The following CENATAC variants were observed in gnomAD, a reference collection of about 807,000 sequenced individuals.
CENATAC encodes coiled-coil domain containing 84.
A neutral mutation model predicts 53.7 loss-of-function variants in CENATAC; 53 were observed. The observed-to-expected ratio is 0.99, with a 90% CI of 0.79 to 1.24. CENATAC has a LOEUF of 1.24. Among genes scored for constraint, CENATAC ranks in the 50% most tolerant of loss-of-function variants. The pLI is 0.00. For missense variants in CENATAC, 474 were observed against 417.8 expected, an observed-to-expected ratio of 1.13 and a Z score of -1.17; for synonymous variants, 156 against 144.6, an observed-to-expected ratio of 1.08 and a Z score of -0.57.
At position 118,998,489 on chromosome 11, in the gene CENATAC, C is replaced by G. The variant is rs1942124513; in HGVS notation, c.180C>G (p.His60Gln). Residue 60 changes from histidine (H) to glutamine (Q), a missense_variant, in exon 2 of 11, where the codon CAC (histidine) becomes CAG (glutamine). Transcript: ENST00000334418. Reference sequence around the variant, plus strand: ...AGGTGGAGCGCTATGTGCCCGAACACGAGCGATGCTGCTGGTGCCTGTGCT... The same window carrying G: ...AGGTGGAGCGCTATGTGCCCGAACAGGAGCGATGCTGCTGGTGCCTGTGCT... ...AAQVERYVPE[H>Q]ERCCWCLCCG... 6.2e-7 allele frequency: 1 copy of G among 1,613,328 alleles called. No homozygotes were observed. Among genetic ancestry groups the G allele is most frequent in the Non-Finnish European group, 8.5e-7 (1 of 1,179,794 alleles).
chr11:119,003,621 C>CT (rs138779092), intron 3 of CENATAC: 3,536 of 128,856 alleles, frequency 0.027, 13 homozygotes, highest in South Asian at 0.085. Flanking sequence ...ATTTCTCTCT[C>CT]TTTTTTTTTT....
At chr11:119,005,002 G>A (rs191085150) in intron 3 of CENATAC, 3 of 152,130 alleles carry the variant, frequency 2.0e-5, no homozygotes, top group African/African-American at 7.2e-5. Context: ...TGAGGCAGGA[G>A]TGAGCTGTGA....
intron 2 of CENATAC, 118 bp downstream of exon 2, chr11:118,998,711 C>T: frequency 1.5e-6 from 2 of 1,313,050 alleles, no homozygotes; most frequent in Non-Finnish European, 2.1e-6. Flanking sequence ...TGGATTGAGT[C>T]ACTTCACAGG....
intron 3 of CENATAC, among the ~76,000 whole-genome samples, chr11:119,002,215 A>G (rs1942334215): frequency 7.7e-6 from 1 of 130,708 alleles, no homozygotes; most frequent in South Asian, 2.5e-4. Flanking sequence ...CAAGAGCAAA[A>G]CTCTGTCTCA....
chr11:119,012,028 T>C, intron 6 of CENATAC, 25 bp downstream of exon 6: 1 of 1,613,742 alleles, frequency 6.2e-7, no homozygotes, highest in Non-Finnish European at 8.5e-7. Context: ...GAATCTCTTG[T>C]TGGGAATTTG....
chr11:119,004,328 A>C (rs781858936), intron 3 of CENATAC, among the ~76,000 whole-genome samples: 1 of 151,790 alleles, frequency 6.6e-6, no homozygotes, highest in African/African-American at 2.4e-5. Flanking sequence ...GCTTACTGCA[A>C]CCTCCGCCTC....
chr11:119,012,578 G>T (rs1002074265), intron 7 of CENATAC: 2 of 237,162 alleles, frequency 8.4e-6, no homozygotes, highest in Non-Finnish European at 1.7e-5. Context: ...ACTAGATGCA[G>T]ATCCTTTCCT....
At chr11:119,012,870 C>A in intron 7 of CENATAC, 1 of 211,752 alleles carries the variant, frequency 4.7e-6, no homozygotes, top group East Asian at 1.1e-4. Context: ...CAGGTTATCT[C>A]TATTTCAAGT....
rs782750088 is a variant in CENATAC at position 119,015,522 on chromosome 11, CT to C, written c.939-13del. ...GTCACCCTTCATCATCGTGTTAACC[CT>C]TTATTTCCTTTCAGACATCAATTCA... On this transcript the variant is annotated splice_polypyrimidine_tract_variant and intron_variant, in intron 10 of 10. Coordinates refer to ENST00000334418, the MANE Select transcript of CENATAC (RefSeq NM_198489.3). The C allele has an allele frequency of 6.2e-7, 1 of 1,613,696 alleles. No individual in the cohort carries two copies. The highest frequency in any genetic ancestry group is 1.3e-5 in the African/African-American group (1 of 75,036).
rs782106751 is a variant in CENATAC, at chr11:119,015,416, T to A, written c.915T>A (p.Asn305Lys). Residue 305 changes from asparagine (N) to lysine (K), a missense_variant, in exon 10 of 11, where the codon AAT becomes AAA. By Grantham distance (94) the Asn-to-Lys change is moderately conservative. Transcript: ENST00000334418. Reference protein sequence around the residue: ...GWLPSFGRVWNNGRRWQSRHQ... With the variant: ...GWLPSFGRVWKNGRRWQSRHQ... ...TGCCCTCTTTTGGCCGCGTCTGGAA[T>A]AATGGACGCCGCTGGCAGTCCAGGT... 1 of 1,614,160 alleles carries A rather than the reference T, an allele frequency of 6.2e-7. No individual in the cohort carries two copies. Among genetic ancestry groups the A allele is most frequent in the East Asian group, 2.2e-5 (1 of 44,896 alleles).
At chr11:119,013,810 C>T (rs566353179) in intron 8 of CENATAC, among the ~76,000 whole-genome samples, 28 of 150,916 alleles carry the variant, frequency 1.9e-4, no homozygotes, top group Non-Finnish European at 2.8e-4. Flanking sequence ...GCGTATGTAT[C>T]GGTAAAAGCC....
In CENATAC at chr11:119,015,773, T is replaced by G. The variant is rs992496073; in HGVS notation, c.*175T>G. ...GCTGGTTGGACCTGTAAAAAAAAATTAAAAGAATCAGAACCATAAAGCTTT... is the reference window on the plus strand; with the variant it reads ...GCTGGTTGGACCTGTAAAAAAAAATGAAAAGAATCAGAACCATAAAGCTTT... On this transcript the variant is annotated 3_prime_UTR_variant, in exon 11 of 11. Coordinates refer to ENST00000334418, the MANE Select transcript of CENATAC (RefSeq NM_198489.3). 6 of 1,326,252 alleles carry G rather than the reference T, an allele frequency of 4.5e-6. No homozygotes were observed. Among genetic ancestry groups the G allele is most frequent in the Non-Finnish European group, 6.4e-6 (6 of 935,378 alleles). 82.2% of individuals were successfully genotyped at this position (1,326,252 alleles called of 1,614,324 possible). A position where few individuals can be genotyped will look rare whatever the true frequency, so the allele number is the denominator to read the frequency against.
At chr11:119,008,602 A>G (rs1470687245) in intron 3 of CENATAC, among the ~76,000 whole-genome samples, 1 of 152,152 alleles carries the variant, frequency 6.6e-6, no homozygotes, top group Admixed American at 6.6e-5. Context: ...CCCAGGGGCA[A>G]GCAGGAGATA....
chr11:119,011,383 T>C (rs930862117), intron 5 of CENATAC, 100 bp downstream of exon 5: 37 of 1,156,228 alleles, frequency 3.2e-5, no homozygotes, highest in Admixed American at 4.4e-5. Context: ...TCTTCTTCTT[T>C]TTTTTTTGGA....
At chr11:119,011,831 T>C (rs997147680) in intron 5 of CENATAC, 108 bp from the exon 6 acceptor site, 2 of 906,212 alleles carry the variant, frequency 2.2e-6, no homozygotes, top group Non-Finnish European at 3.6e-6. Flanking sequence ...ACCTTCCATA[T>C]GCTAATTTGT....
Position 118,998,545 on chromosome 11 carries a change from A to G in CENATAC, c.236A>G (p.His79Arg). Reference protein sequence around the residue: ...CGCEVREHLSHGNLTVLYGGL... With the variant: ...CGCEVREHLSRGNLTVLYGGL... ...TGTGAGGTGCGGGAACACCTGAGCCATGGAAACCTGACGGTGCTGTACGGG... is the reference window on the plus strand; with the variant it reads ...TGTGAGGTGCGGGAACACCTGAGCCGTGGAAACCTGACGGTGCTGTACGGG... The change falls in exon 2 of 11, where the codon CAT (histidine) becomes CGT (arginine). Residue 79 changes from histidine to arginine, a missense_variant. Coordinates refer to ENST00000334418, the MANE Select transcript of CENATAC (RefSeq NM_198489.3). 5 of 1,595,846 alleles carry G rather than the reference A, an allele frequency of 3.1e-6. No homozygotes were observed. Among genetic ancestry groups the G allele is most frequent in the African/African-American group, 1.3e-5 (1 of 74,704 alleles).
chr11:119,013,290 C>T, intron 8 of CENATAC, 28 bp downstream of exon 8: 1 of 1,581,252 alleles, frequency 6.3e-7, no homozygotes, highest in Non-Finnish European at 8.6e-7. Context: ...GTTTTTAAAA[C>T]CCTGGGAGAT....
In CENATAC at chr11:119,015,081, A is replaced by G. The variant is rs370905829; in HGVS notation, c.803A>G (p.Glu268Gly). 2.6e-5 allele frequency: 41 copies of G among 1,601,482 alleles called. No individual in the cohort carries two copies. In the African/African-American group the frequency reaches 4.7e-4, roughly 18 times the overall value. Reference sequence around the variant, plus strand: ...CCATCCTATGAAGAATTTCTTAAAGAAAGTAAGTAAACTAATTCAAGAGAG... The same window carrying G: ...CCATCCTATGAAGAATTTCTTAAAGGAAGTAAGTAAACTAATTCAAGAGAG... The part of the protein sequence containing the change: ...IGPSYEEFLK[E>G]KEKQKLKKLP... Residue 268 changes from glutamate to glycine, a missense_variant and splice_region_variant, in exon 9 of 11, where the codon GAA (glutamate) becomes GGA (glycine). By Grantham distance (98) the Glu-to-Gly change is moderately conservative. Coordinates refer to ENST00000334418, the MANE Select transcript of CENATAC (RefSeq NM_198489.3).
intron 2 of CENATAC, 100 bp from the exon 3 acceptor site, chr11:118,998,911 C>A: frequency 2.2e-6 from 2 of 895,544 alleles, no homozygotes; most frequent in Non-Finnish European, 3.6e-6. Context: ...GTGCCCCAGG[C>A]AGAAACCCAG....
Sources: gnomAD v4.1 joint callset for allele counts (sites outside exome capture counted in the v4.1 genomes callset) on GRCh38, gnomAD v4.1.1 for gene constraint, MANE v1.5 for transcripts, NCBI Gene and HGNC (gene_info 2026-07-23, HGNC 2026-07-21) for gene names.